PTPRN2: variants seen among roughly 807,000 people sequenced by gnomAD.
The protein encoded by PTPRN2 is protein tyrosine phosphatase receptor type N2, also known as receptor-type tyrosine-protein phosphatase N2.
Under a neutral mutation model 118.8 loss-of-function variants are expected in PTPRN2, and 74 were observed. That is an observed-to-expected ratio of 0.62 (90% CI 0.52 to 0.76). PTPRN2 has a LOEUF of 0.76. Among genes scored for constraint, PTPRN2 ranks in the 30% least tolerant of loss-of-function variants. The pLI is 0.00. For missense variants in PTPRN2, 1,481 were observed against 1,394.4 expected, an observed-to-expected ratio of 1.06 and a Z score of -0.99; for synonymous variants, 641 against 608.0, an observed-to-expected ratio of 1.05 and a Z score of -0.80.
intron 3 of PTPRN2, among the ~76,000 whole-genome samples, chr7:158,261,665 C>T (rs753979875): frequency 3.3e-5 from 5 of 152,110 alleles, no homozygotes; most frequent in South Asian, 2.1e-4. Flanking sequence ...ACTCCGGGAC[C>T]GCAGGCTCCC....
At chr7:158,422,734 A>G (rs952343575) in intron 2 of PTPRN2, among the ~76,000 whole-genome samples, 3 of 150,356 alleles carry the variant, frequency 2.0e-5, no homozygotes, top group African/African-American at 7.4e-5. Context: ...CCAGGCTGAC[A>G]CTGCCGGCTT....
chr7:158,532,914 T>C (rs911350703), intron 1 of PTPRN2: 6 of 459,960 alleles, frequency 1.3e-5, no homozygotes, highest in Admixed American at 1.1e-4. Context: ...CCACCACACC[T>C]GCTCCCTCCT....
At chr7:158,038,748 A>G (rs1808248923) in intron 11 of PTPRN2, among the ~76,000 whole-genome samples, 1 of 135,316 alleles carries the variant, frequency 7.4e-6, no homozygotes, top group Non-Finnish European at 1.6e-5. Context: ...ATAATAAAGT[A>G]TAAAATATAG....
At chr7:157,554,995 C>T (rs1798811045) in intron 21 of PTPRN2, among the ~76,000 whole-genome samples, 1 of 152,098 alleles carries the variant, frequency 6.6e-6, no homozygotes, top group Non-Finnish European at 1.5e-5. Context: ...GCGGGCGTCC[C>T]AGTGTGGTGA....
At chr7:157,880,074 C>T (rs184972432) in intron 12 of PTPRN2, among the ~76,000 whole-genome samples, 27 of 152,246 alleles carry the variant, frequency 1.8e-4, no homozygotes, top group African/African-American at 5.3e-4. Context: ...TGACAGCTTC[C>T]GCTTATTCAT....
In PTPRN2 at chr7:157,656,492, C is replaced by T. The variant is rs781385233; in HGVS notation, c.2061G>A (p.Thr687=). The stretch of plus-strand genomic sequence containing the variant: ...GGGATGAGACGCTGCTGATGCGTGA[C>T]GTGTGCGGGCCCTCAGGTCGGTCTG... ...RPPDRPEGPH[T]SRISSVSSQF... Residue 687 remains threonine, a synonymous_variant, in exon 14 of 23, where the codon ACG becomes ACA. Coordinates refer to ENST00000389418, the MANE Select transcript of PTPRN2 (RefSeq NM_002847.5). 4.4e-5 allele frequency: 68 copies of T among 1,553,938 alleles called. 1 individual carries two copies. The highest frequency in any genetic ancestry group is 5.2e-5 in the Non-Finnish European group (60 of 1,153,576).
chr7:158,004,407 C>T (rs1432267219), intron 11 of PTPRN2, among the ~76,000 whole-genome samples: 1 of 152,102 alleles, frequency 6.6e-6, no homozygotes, highest in Non-Finnish European at 1.5e-5. Context: ...ATTTAAAAAA[C>T]CAGCAGATTA....
At chr7:157,643,622 TC>T (rs1431270653) in intron 14 of PTPRN2, among the ~76,000 whole-genome samples, 1 of 152,126 alleles carries the variant, frequency 6.6e-6, no homozygotes, top group Non-Finnish European at 1.5e-5. Context: ...CTGTGACTGC[TC>T]CCCCGACGGA....
intron 1 of PTPRN2, among the ~76,000 whole-genome samples, chr7:158,573,309 G>T (rs1316086268): frequency 3.9e-5 from 6 of 152,108 alleles, no homozygotes; most frequent in African/African-American, 1.4e-4. Context: ...ATCAACTTTG[G>T]GTGCTGAGGA....
At chr7:157,802,018 C>G (rs73746623) in intron 12 of PTPRN2, among the ~76,000 whole-genome samples, 9,886 of 152,242 alleles carry the variant, frequency 0.065, 1,065 homozygotes, top group African/African-American at 0.22. Flanking sequence ...CGTGCAGCTC[C>G]TTCGTCCACC....
chr7:157,646,979 C>T (rs1476348539), intron 14 of PTPRN2, among the ~76,000 whole-genome samples: 1 of 132,738 alleles, frequency 7.5e-6, no homozygotes, highest in African/African-American at 3.0e-5. Context: ...GACCCATTCA[C>T]TGTGCACTGA....
chr7:158,229,061 G>C (rs1396238426), intron 3 of PTPRN2, among the ~76,000 whole-genome samples: 1 of 152,038 alleles, frequency 6.6e-6, no homozygotes. Context: ...CACACTGCTG[G>C]CATATCCCCT....
chr7:158,348,268 T>G (rs113469743), intron 2 of PTPRN2, among the ~76,000 whole-genome samples: 35 of 131,696 alleles, frequency 2.7e-4, no homozygotes, highest in African/African-American at 5.7e-4. Context: ...CCACCCTGGG[T>G]TCGCCATTCA....
At chr7:157,644,809 AAAAAAAC>A (rs1426934008) in intron 14 of PTPRN2, among the ~76,000 whole-genome samples, 11 of 130,446 alleles carry the variant, frequency 8.4e-5, no homozygotes, top group African/African-American at 2.3e-4. Flanking sequence ...AAACAAAAAA[AAAAAAAC>A]AAAAAACAAA....
rs1437618723 is a variant in PTPRN2, at chr7:157,596,869, C to G, written c.2419-1554G>C. ...GATTTCAAGGTAATTATTAAGAAAA[C>G]ATTTCTCAACACAGTGAAAAATGAG... On this transcript the variant is annotated intron_variant, in intron 16 of 22. Transcript: ENST00000389418. This position sits in a 1 kb window ranked among gnomAD's most constrained non-coding sequence, Gnocchi z 4.2. Among the ~76,000 whole-genome samples, 1 of 152,212 alleles carries G rather than the reference C, an allele frequency of 6.6e-6. No homozygotes were observed. The highest frequency in any genetic ancestry group is 1.5e-5 in the Non-Finnish European group (1 of 68,048).
intron 2 of PTPRN2, among the ~76,000 whole-genome samples, chr7:158,347,593 T>A (rs910508197): frequency 2.0e-5 from 3 of 152,360 alleles, no homozygotes; most frequent in Admixed American, 6.5e-5. Context: ...CAGGGTTTTA[T>A]GTGGTTCCAT....
intron 14 of PTPRN2, 105 bp from the exon 15 acceptor site, chr7:157,621,614 C>A: frequency 7.0e-7 from 1 of 1,433,740 alleles, no homozygotes; most frequent in South Asian, 1.3e-5. Context: ...TGGGCCATGC[C>A]CACCTTGCTC....
rs71544523 is a variant in PTPRN2 at position 158,058,541 on chromosome 7, A to C, written c.1723+22757T>G. 2.9e-3 allele frequency among the ~76,000 whole-genome samples: 103 copies of C among 35,036 alleles called. 4 individuals carry two copies. Among genetic ancestry groups the C allele is most frequent in the African/African-American group, 6.5e-3 (40 of 6,116 alleles). 23.0% of individuals were successfully genotyped at this position (35,036 alleles called of 152,430 possible). A position where few individuals can be genotyped will look rare whatever the true frequency, so the allele number is the denominator to read the frequency against. The stretch of plus-strand genomic sequence containing the variant: ...ATCACTGCAGCCACACTCCATCTGC[A>C]CACGGTGAGACATCACTGCAGCCAC... On this transcript the variant is annotated intron_variant, in intron 11 of 22. Coordinates refer to ENST00000389418, the MANE Select transcript of PTPRN2 (RefSeq NM_002847.5).
In PTPRN2 at chr7:157,845,793, A is replaced by G. The variant is rs1167851970; in HGVS notation, c.1788+52880T>C. Among the ~76,000 whole-genome samples, 2 of 152,204 alleles carry G rather than the reference A, an allele frequency of 1.3e-5. No homozygotes were observed. The highest frequency in any genetic ancestry group is 2.9e-5 in the Non-Finnish European group (2 of 68,032). On this transcript the variant is annotated intron_variant, in intron 12 of 22. Transcript: ENST00000389418. The surrounding 1 kb of genome is among the most constrained non-coding windows in gnomAD (Gnocchi z 4.5). ...ACACAGCAGGGCCATGGGCAGAGGA[A>G]GGACAAGCAACGTGGGGCCATGGGG... is the stretch of plus-strand genomic sequence containing the variant.
Sources: gnomAD v4.1 joint callset for allele counts (sites outside exome capture counted in the v4.1 genomes callset) on GRCh38, gnomAD v4.1.1 for gene constraint, Gnocchi (gnomAD v3.1) non-coding constraint, MANE v1.5 for transcripts, NCBI Gene and HGNC (gene_info 2026-07-23, HGNC 2026-07-21) for gene names.